Variants in LAMA2 observed in about 807,000 individuals in gnomAD.
The protein encoded by LAMA2 is laminin subunit alpha 2.
Under a neutral mutation model 364.8 loss-of-function variants are expected in LAMA2, and 269 were observed. That is an observed-to-expected ratio of 0.74 (90% CI 0.67 to 0.82). LAMA2 has a LOEUF of 0.82. Ranked by LOEUF, LAMA2 falls within the 40% of genes least tolerant of loss-of-function variation. LAMA2 has a pLI of 0.00. For missense variants in LAMA2, 3,807 were observed against 3,873.2 expected, an observed-to-expected ratio of 0.98 and a Z score of 0.45; for synonymous variants, 1,379 against 1,370.6, an observed-to-expected ratio of 1.01 and a Z score of -0.14.
Position 129,190,348 on chromosome 6 carries a change from A to C in LAMA2, c.1608+3A>C, listed in dbSNP as rs548428526. 2.5e-6 allele frequency: 4 copies of C among 1,613,080 alleles called. No individual in the cohort carries two copies. Among genetic ancestry groups the C allele is most frequent in the African/African-American group, 1.3e-5 (1 of 75,044 alleles). Reference sequence around the variant, plus strand: ...GTTCCTACTGGACCTATGGCAAAGTAAGCAAGCACCATTTGGTTCTGTTTG... The same window carrying C: ...GTTCCTACTGGACCTATGGCAAAGTCAGCAAGCACCATTTGGTTCTGTTTG... On this transcript the variant is annotated splice_donor_region_variant and intron_variant, in intron 11 of 64. Transcript: ENST00000421865.
chr6:129,420,204 A>G (rs953615083), intron 40 of LAMA2, among the ~76,000 whole-genome samples: 1 of 152,146 alleles, frequency 6.6e-6, no homozygotes, highest in Non-Finnish European at 1.5e-5. Flanking sequence ...TGAACATCAC[A>G]TACGTATTTT....
chr6:128,962,271 G>A (rs772731876), intron 1 of LAMA2, among the ~76,000 whole-genome samples: 9 of 149,666 alleles, frequency 6.0e-5, no homozygotes, highest in Non-Finnish European at 1.2e-4. Context: ...TTAAGTGTGT[G>A]TGTTCATGGT....
At chr6:129,305,245 C>A (rs1386794098) in intron 22 of LAMA2, among the ~76,000 whole-genome samples, 1 of 151,300 alleles carries the variant, frequency 6.6e-6, no homozygotes. Context: ...TTGCAACTTT[C>A]TTTTTAATGG....
chr6:129,110,725 A>AGGTCC (rs1776111402), intron 4 of LAMA2, among the ~76,000 whole-genome samples: 1 of 152,060 alleles, frequency 6.6e-6, no homozygotes, highest in South Asian at 2.1e-4. Context: ...TCTCTGGTCC[A>AGGTCC]GGTCCAGTCC....
chr6:129,459,489 T>G (rs1336943254), intron 48 of LAMA2, among the ~76,000 whole-genome samples: 2 of 152,104 alleles, frequency 1.3e-5, no homozygotes, highest in African/African-American at 4.8e-5. Flanking sequence ...GATTCTCTAT[T>G]TGACTCCAGG....
At chr6:129,357,072 C>G (rs904612404) in intron 32 of LAMA2, among the ~76,000 whole-genome samples, 2 of 151,984 alleles carry the variant, frequency 1.3e-5, no homozygotes, top group Non-Finnish European at 2.9e-5. Context: ...TAAGTTAATA[C>G]AAATCCATCC....
intron 12 of LAMA2, among the ~76,000 whole-genome samples, chr6:129,232,606 C>T (rs1784734048): frequency 6.6e-6 from 1 of 152,014 alleles, no homozygotes; most frequent in African/African-American, 2.4e-5. Context: ...TAGTGAATCC[C>T]TCAGGTATTT....
chr6:129,147,241 A>G (rs1425990278), intron 6 of LAMA2, among the ~76,000 whole-genome samples, 193 bp downstream of exon 6: 1 of 150,952 alleles, frequency 6.6e-6, no homozygotes, highest in Non-Finnish European at 1.5e-5. Flanking sequence ...CCATCACAGT[A>G]TAAGAAAACA....
chr6:129,414,715 T>A (rs537045768), intron 40 of LAMA2, among the ~76,000 whole-genome samples: 5 of 152,332 alleles, frequency 3.3e-5, no homozygotes, highest in African/African-American at 1.2e-4. Context: ...AATTTCTTTC[T>A]TTTTCTAAAT....
chr6:128,884,163 T>C (rs546899272), intron 1 of LAMA2, among the ~76,000 whole-genome samples: 35 of 152,342 alleles, frequency 2.3e-4, no homozygotes, highest in South Asian at 1.4e-3. Context: ...TTTATGTATA[T>C]ATAGCTCTCA....
intron 53 of LAMA2, among the ~76,000 whole-genome samples, chr6:129,476,258 C>T (rs905880152): frequency 2.0e-5 from 3 of 151,976 alleles, no homozygotes; most frequent in African/African-American, 4.8e-5. Context: ...TTTTTAAAAC[C>T]GAGGCTAGAT....
rs200898063 is a variant in LAMA2, at chr6:129,353,361, C to T, written c.4717+4C>T. 124 of 1,611,788 alleles carry T rather than the reference C, an allele frequency of 7.7e-5. No homozygotes were observed. Among genetic ancestry groups the T allele is most frequent in the Middle Eastern group, 1.7e-4 (1 of 5,936 alleles). On this transcript the variant is annotated splice_donor_region_variant and intron_variant, in intron 32 of 64. Coordinates refer to ENST00000421865, the MANE Select transcript of LAMA2 (RefSeq NM_000426.4). Reference sequence around the variant, plus strand: ...CGCGAGGGCTGGGAGTGTGTTTGTACGTATACTAACTTTGCTGTTAGTTTT... The same window carrying T: ...CGCGAGGGCTGGGAGTGTGTTTGTATGTATACTAACTTTGCTGTTAGTTTT...
chr6:129,503,405 A>T, intron 60 of LAMA2, 125 bp downstream of exon 60: 3 of 854,102 alleles, frequency 3.5e-6, no homozygotes, highest in Non-Finnish European at 5.7e-6. Flanking sequence ...TAAAAATAAA[A>T]TAAGTGCCAT....
chr6:128,932,135 A>G (rs1452270687), intron 1 of LAMA2, among the ~76,000 whole-genome samples: 2 of 152,204 alleles, frequency 1.3e-5, no homozygotes, highest in Admixed American at 1.3e-4. Context: ...AGCAACAGTC[A>G]AGAGAACAAG....
chr6:129,158,153 A>T, intron 8 of LAMA2: 2 of 1,612,890 alleles, frequency 1.2e-6, no homozygotes, highest in Non-Finnish European at 1.7e-6. Flanking sequence ...CCAGCGTAGC[A>T]CATTTCAGGA....
intron 14 of LAMA2, among the ~76,000 whole-genome samples, chr6:129,252,625 G>T (rs933148826): frequency 1.3e-5 from 2 of 152,120 alleles, no homozygotes; most frequent in Non-Finnish European, 2.9e-5. Context: ...AAGCTAAAAA[G>T]ATATAAATTC....
chr6:129,094,482 T>G (rs935373257), intron 3 of LAMA2, among the ~76,000 whole-genome samples: 2 of 152,216 alleles, frequency 1.3e-5, no homozygotes, highest in Non-Finnish European at 2.9e-5. Context: ...ATTATTTTTA[T>G]CTATTATTCC....
chr6:129,088,203 G>A (rs1213190032), intron 3 of LAMA2, among the ~76,000 whole-genome samples: 8 of 150,526 alleles, frequency 5.3e-5, no homozygotes, highest in African/African-American at 1.9e-4. Context: ...AGAGAGCACG[G>A]GGTTGGGAGT....
chr6:129,301,096 G>T (rs1773523027), intron 22 of LAMA2, among the ~76,000 whole-genome samples: 1 of 152,036 alleles, frequency 6.6e-6, no homozygotes, highest in Admixed American at 6.6e-5. Flanking sequence ...TCTACAAGAG[G>T]GGTAAAAAGA....
Sources: allele counts gnomAD v4.1 joint callset (sites outside exome capture counted in the v4.1 genomes callset), GRCh38; gene constraint gnomAD v4.1.1; transcripts MANE v1.5; gene names NCBI Gene and HGNC (gene_info 2026-07-23, HGNC 2026-07-21).